NTRK3: variants seen among roughly 807,000 people sequenced by gnomAD.
NTRK3 encodes the protein neurotrophic receptor tyrosine kinase 3, also known as NT-3 growth factor receptor.
NTRK3 carries 24 observed loss-of-function variants against 91.7 expected under a neutral mutation model. The observed-to-expected ratio is 0.26, with a 90% CI of 0.19 to 0.37. The LOEUF (loss-of-function observed/expected upper bound fraction) is 0.37, where lower values mean the gene tolerates loss of function less well. Among genes scored for constraint, NTRK3 ranks in the 10% least tolerant of loss-of-function variants. The pLI is 1.00. For synonymous variants in NTRK3, 483 were observed against 404.0 expected (o/e 1.20, Z -2.34); for missense variants, 880 against 1,068.9 (o/e 0.82, Z 2.46).
intron 14 of NTRK3, among the ~76,000 whole-genome samples, chr15:88,002,311 T>C (rs750796915): frequency 6.7e-6 from 1 of 150,126 alleles, no homozygotes; most frequent in Non-Finnish European, 1.5e-5. Flanking sequence ...AAGAAAGACA[T>C]AAGTTCAGCC....
rs1030462547 is a variant in NTRK3 at position 88,081,716 on chromosome 15, A to G, written c.1396+44555T>C. ...AGAGGGGCAAAAGTGGTCTCTCCAT[A>G]AATGGGGCTGAAGTACCTGAGACAG... On this transcript the variant is annotated intron_variant, in intron 13 of 18. Transcript: ENST00000394480. Among the ~76,000 whole-genome samples, 6 of 152,160 alleles carry G rather than the reference A, an allele frequency of 3.9e-5. No individual in the cohort carries two copies. The South Asian group carries it at 1.2e-3, about 32-fold the overall frequency.
chr15:88,228,189 C>A (rs1477160215), intron 3 of NTRK3, among the ~76,000 whole-genome samples: 1 of 152,174 alleles, frequency 6.6e-6, no homozygotes, highest in African/African-American at 2.4e-5. Context: ...TCCTGGGCTC[C>A]CCACTGGAAA....
At chr15:88,077,772 GC>G (rs767819642) in intron 13 of NTRK3, among the ~76,000 whole-genome samples, 12 of 152,126 alleles carry the variant, frequency 7.9e-5, no homozygotes, top group Non-Finnish European at 1.2e-4. Flanking sequence ...TTGGGATGTG[GC>G]CCCGTTTCCT....
chr15:88,169,117 G>A (rs2045271838), intron 5 of NTRK3, among the ~76,000 whole-genome samples: 2 of 152,200 alleles, frequency 1.3e-5, no homozygotes, highest in African/African-American at 4.8e-5. Context: ...GGACATGCAG[G>A]GAGATGCTGG....
chr15:88,116,954 G>C (rs1036003905), intron 13 of NTRK3, among the ~76,000 whole-genome samples: 6 of 152,190 alleles, frequency 3.9e-5, no homozygotes, highest in Non-Finnish European at 5.9e-5. Flanking sequence ...TATCAGATGA[G>C]CTGGTCTGCA....
intron 3 of NTRK3, among the ~76,000 whole-genome samples, chr15:88,197,842 G>A (rs2047964140): frequency 1.3e-5 from 2 of 152,052 alleles, no homozygotes; most frequent in South Asian, 4.1e-4. Flanking sequence ...CTCCCCTCTG[G>A]TTCTTCCCTG....
Position 87,970,319 on chromosome 15 carries a change from T to C in NTRK3, c.1586-29566A>G, listed in dbSNP as rs533106454. ...CTTCTGAGATATCACAGCGAAGGTT[T>C]CCTGATCTTCACAAGAGTGTCTATC... is the stretch of plus-strand genomic sequence containing the variant. On this transcript the variant is annotated intron_variant, in intron 14 of 18. Coordinates refer to ENST00000394480, the Ensembl canonical transcript of NTRK3. Among the ~76,000 whole-genome samples, 158 of 152,318 alleles carry C rather than the reference T, an allele frequency of 1.0e-3. 1 individual carries two copies. The highest frequency in any genetic ancestry group is 6.4e-3 in the South Asian group (31 of 4,824).
intron 13 of NTRK3, among the ~76,000 whole-genome samples, chr15:88,052,327 G>GA (rs1161366178): frequency 6.6e-6 from 1 of 152,196 alleles, no homozygotes; most frequent in Non-Finnish European, 1.5e-5. Context: ...GTAACATGGT[G>GA]AAAATAGGAA....
chr15:88,109,701 G>C (rs1219808204), intron 13 of NTRK3, among the ~76,000 whole-genome samples: 1 of 152,140 alleles, frequency 6.6e-6, no homozygotes, highest in African/African-American at 2.4e-5. Flanking sequence ...AATCACCTGA[G>C]CAGCTATAGA....
exon 19 of NTRK3, chr15:87,869,977 T>A (rs1457461477): frequency 5.2e-6 from 1 of 192,898 alleles, no homozygotes; most frequent in East Asian, 8.2e-5. Flanking sequence ...CACGTCTTGT[T>A]GGGTTTTAGG....
chr15:87,999,808 T>G (rs552120720), intron 14 of NTRK3, among the ~76,000 whole-genome samples: 2 of 152,290 alleles, frequency 1.3e-5, no homozygotes, highest in South Asian at 4.1e-4. Context: ...ATGATTCTTA[T>G]CAAAGAGGGA....
chr15:88,079,186 T>C (rs115229148), intron 13 of NTRK3, among the ~76,000 whole-genome samples: 3,207 of 152,228 alleles, frequency 0.021, 92 homozygotes, highest in African/African-American at 0.068. Context: ...TGGGAAATGG[T>C]TAGACTCGTG....
In NTRK3 at chr15:88,240,138, G is replaced by GC. The variant is rs2052197371; in HGVS notation, c.248+15767dup. On this transcript the variant is annotated intron_variant, in intron 3 of 18. Transcript: ENST00000394480. This position sits in a 1 kb window ranked among gnomAD's most constrained non-coding sequence, Gnocchi z 4.9. The stretch of plus-strand genomic sequence containing the variant: ...CCCCCCTCCCCTCCCCCACAGGATT[G>GC]CCCCCAGAGAAACCCAGGGCTGCTG... Among the ~76,000 whole-genome samples the GC allele has an allele frequency of 7.5e-6, 1 of 133,810 alleles. No homozygotes were observed. Among genetic ancestry groups the GC allele is most frequent in the Non-Finnish European group, 1.6e-5 (1 of 63,368 alleles). 87.8% of individuals were successfully genotyped at this position (133,810 alleles called of 152,430 possible). A position where few individuals can be genotyped will look rare whatever the true frequency, so the allele number is the denominator to read the frequency against.
chr15:88,027,075 C>G (rs1258787582), intron 14 of NTRK3, among the ~76,000 whole-genome samples: 1 of 152,108 alleles, frequency 6.6e-6, no homozygotes, highest in African/African-American at 2.4e-5. Context: ...CTTCCCTTAC[C>G]TCCAGCCTTG....
At chr15:88,024,190 G>C (rs549549546) in intron 14 of NTRK3, among the ~76,000 whole-genome samples, 1 of 152,324 alleles carries the variant, frequency 6.6e-6, no homozygotes, top group Non-Finnish European at 1.5e-5. Context: ...TAAGCCGCTT[G>C]CACACTCTGA....
intron 3 of NTRK3, among the ~76,000 whole-genome samples, chr15:88,217,091 T>G (rs150077040): frequency 9.9e-5 from 15 of 152,006 alleles, no homozygotes; most frequent in Non-Finnish European, 2.2e-4. Context: ...ACCACTAGGG[T>G]GGACACTAAA....
At chr15:87,961,426 T>G (rs182782809) in intron 14 of NTRK3, among the ~76,000 whole-genome samples, 411 of 152,364 alleles carry the variant, frequency 2.7e-3, no homozygotes, top group Non-Finnish European at 4.4e-3. Flanking sequence ...ACACTCCTTC[T>G]AGGGAGATTT....
At chr15:88,151,019 C>T (rs957250671) in intron 5 of NTRK3, among the ~76,000 whole-genome samples, 17 of 152,214 alleles carry the variant, frequency 1.1e-4, no homozygotes, top group African/African-American at 3.9e-4. Flanking sequence ...ATTAAGAACA[C>T]CCTGCCTCTG....
At chr15:88,151,695 CA>C (rs2043394266) in intron 5 of NTRK3, among the ~76,000 whole-genome samples, 1 of 152,168 alleles carries the variant, frequency 6.6e-6, no homozygotes, top group Non-Finnish European at 1.5e-5. Flanking sequence ...AAGCCCCATC[CA>C]AAAAGTGGTC....
Sources: allele counts gnomAD v4.1 joint callset (sites outside exome capture counted in the v4.1 genomes callset), GRCh38; gene constraint gnomAD v4.1.1; non-coding constraint Gnocchi (gnomAD v3.1); transcripts MANE v1.5; gene names NCBI Gene and HGNC (gene_info 2026-07-23, HGNC 2026-07-21).